The following FAT3 variants were observed in gnomAD, a reference collection of about 807,000 sequenced individuals.
FAT3 encodes the protein protocadherin Fat 3.
In FAT3, 95 loss-of-function variants were observed where a neutral mutation model predicts 310.2. The observed-to-expected ratio is 0.31, with a 90% confidence interval of 0.26 to 0.36. The LOEUF is 0.36. Among genes scored for constraint, FAT3 ranks in the 10% least tolerant of loss-of-function variants. The pLI is 1.00. For synonymous variants in FAT3, 2,314 were observed against 2,192.9 expected (o/e 1.06, Z -1.54); for missense variants, 5,408 against 5,715.6 (o/e 0.95, Z 1.74).
chr11:92,468,881 T>C (rs1951839550), intron 2 of FAT3, among the ~76,000 whole-genome samples: 1 of 152,182 alleles, frequency 6.6e-6, no homozygotes, highest in Non-Finnish European at 1.5e-5. Context: ...CCATATCATA[T>C]CAGAGGGTGT....
At chr11:92,704,675 G>A (rs1006250355) in intron 4 of FAT3, among the ~76,000 whole-genome samples, 1 of 152,110 alleles carries the variant, frequency 6.6e-6, no homozygotes, top group African/African-American at 2.4e-5. Context: ...AAGGAGAGAG[G>A]TGTTGTAAGA....
chr11:92,383,409 A>G (rs1312448445), intron 2 of FAT3, among the ~76,000 whole-genome samples: 1 of 152,200 alleles, frequency 6.6e-6, no homozygotes, highest in Non-Finnish European at 1.5e-5. Context: ...AATGTAGGTG[A>G]TGTGCAGACC....
chr11:92,360,157 A>C (rs1471035236), intron 2 of FAT3, among the ~76,000 whole-genome samples: 4 of 152,192 alleles, frequency 2.6e-5, no homozygotes, highest in African/African-American at 9.6e-5. Flanking sequence ...ACTTCAGCAA[A>C]GTCTCAGGAT....
At chr11:92,271,479 C>A (rs184961534) in intron 1 of FAT3, among the ~76,000 whole-genome samples, 1 of 152,068 alleles carries the variant, frequency 6.6e-6, no homozygotes, top group Non-Finnish European at 1.5e-5. Context: ...TCATTTATTT[C>A]GTTTTCTTCA....
At chr11:92,840,842 G>T in intron 18 of FAT3, 83 bp downstream of exon 18, 1 of 1,316,534 alleles carries the variant, frequency 7.6e-7, no homozygotes, top group Non-Finnish European at 1.0e-6. Flanking sequence ...TTTTTTCTTT[G>T]CTGAGTAAGT....
chr11:92,318,445 T>C (rs1947525620), intron 1 of FAT3, among the ~76,000 whole-genome samples: 2 of 152,204 alleles, frequency 1.3e-5, no homozygotes, highest in Admixed American at 1.3e-4. Flanking sequence ...GGAGAGGTAA[T>C]AGGGAGAGTT....
At chr11:92,413,343 A>G (rs979512664) in intron 2 of FAT3, among the ~76,000 whole-genome samples, 16 of 152,344 alleles carry the variant, frequency 1.1e-4, no homozygotes, top group African/African-American at 3.8e-4. Flanking sequence ...GGTGTTATAT[A>G]TAAAAGAACG....
chr11:92,499,600 A>C (rs1334896544), intron 2 of FAT3, among the ~76,000 whole-genome samples: 2 of 151,982 alleles, frequency 1.3e-5, no homozygotes, highest in African/African-American at 4.8e-5. Context: ...AAAAATTTGC[A>C]GAGACCCTGA....
intron 23 of FAT3, among the ~76,000 whole-genome samples, chr11:92,882,482 G>T (rs953712148): frequency 6.6e-6 from 1 of 151,544 alleles, no homozygotes; most frequent in Admixed American, 6.6e-5. Flanking sequence ...AACCCAGGTA[G>T]GAAAGGAAGA....
At chr11:92,814,486 G>T (rs892860392) in intron 13 of FAT3, among the ~76,000 whole-genome samples, 1 of 152,104 alleles carries the variant, frequency 6.6e-6, no homozygotes, top group South Asian at 2.1e-4. Flanking sequence ...AAGAAATACC[G>T]TGGCAACTCT....
intron 2 of FAT3, among the ~76,000 whole-genome samples, chr11:92,490,706 TA>T (rs1952576101): frequency 6.6e-6 from 1 of 152,110 alleles, no homozygotes. Flanking sequence ...TTTAAAAAAT[TA>T]GACAGTAAAA....
At chr11:92,822,923 C>T (rs141210892) in intron 13 of FAT3, among the ~76,000 whole-genome samples, 84 of 152,214 alleles carry the variant, frequency 5.5e-4, no homozygotes, top group Middle Eastern at 3.4e-3. Context: ...TTTGTAATGC[C>T]CTTTCTTCTT....
At chr11:92,418,467 A>G (rs1473366661) in intron 2 of FAT3, among the ~76,000 whole-genome samples, 2 of 122,186 alleles carry the variant, frequency 1.6e-5, no homozygotes, top group African/African-American at 3.1e-5. Context: ...AGATTTCATC[A>G]TAACAATTTT....
chr11:92,339,141 A>G (rs1404608247), intron 1 of FAT3, among the ~76,000 whole-genome samples: 2 of 152,178 alleles, frequency 1.3e-5, no homozygotes, highest in Admixed American at 6.5e-5. Context: ...GGGTTTCTCA[A>G]CTTCAACAGT....
At position 92,799,190 on chromosome 11, in the gene FAT3, G is replaced by A; in HGVS notation, c.6177G>A (p.Glu2059=). The A allele has an allele frequency of 6.2e-7, 1 of 1,613,972 alleles. No homozygotes were observed. Among genetic ancestry groups the A allele is most frequent in the Non-Finnish European group, 8.5e-7 (1 of 1,179,870 alleles). Residue 2059 remains glutamate, a synonymous_variant, in exon 10 of 28, where the codon GAG becomes GAA. Transcript: ENST00000525166. ...LYELVVEASR[E]LDHLRVARVV... ...AGCTGGTGGTAGAAGCCAGCCGTGA[G>A]CTGGACCATCTGCGTGTGGCCAGAG...
At chr11:92,601,322 A>T (rs1053228955) in intron 3 of FAT3, among the ~76,000 whole-genome samples, 3 of 151,522 alleles carry the variant, frequency 2.0e-5, no homozygotes, top group Non-Finnish European at 4.4e-5. Flanking sequence ...CACTTTGCGA[A>T]GCTGAGGCGG....
intron 2 of FAT3, among the ~76,000 whole-genome samples, chr11:92,375,867 T>TA (rs1949328592): frequency 1.3e-5 from 2 of 152,312 alleles, no homozygotes; most frequent in East Asian, 3.9e-4. Context: ...ATAGCTAACA[T>TA]CTGAAGCAAA....
intron 3 of FAT3, among the ~76,000 whole-genome samples, chr11:92,628,755 G>A (rs1319029721): frequency 9.9e-5 from 15 of 152,198 alleles, no homozygotes. Context: ...AGACAGGTTT[G>A]TAATATCATT....
At chr11:92,327,319 A>C (rs1947792952) in intron 1 of FAT3, among the ~76,000 whole-genome samples, 1 of 152,008 alleles carries the variant, frequency 6.6e-6, no homozygotes, top group South Asian at 2.1e-4. Context: ...AGAATGAAGC[A>C]GGGAATGGAC....
Sources: allele counts gnomAD v4.1 joint callset (sites outside exome capture counted in the v4.1 genomes callset), GRCh38; gene constraint gnomAD v4.1.1; transcripts MANE v1.5; gene names NCBI Gene and HGNC (gene_info 2026-07-23, HGNC 2026-07-21).